The following NHSL2 variants were observed in gnomAD, a reference collection of about 807,000 sequenced individuals.
The protein encoded by NHSL2 is NHS-like protein 2.
NHSL2 carries 27 observed loss-of-function variants against 53.4 expected under a neutral mutation model. The ratio of observed to expected loss-of-function variants is 0.51; its 90% confidence interval spans 0.37 to 0.70. The LOEUF (loss-of-function observed/expected upper bound fraction) is 0.70. Ranked by LOEUF, NHSL2 falls within the 30% of genes least tolerant of loss-of-function variation. The pLI is 0.00. For missense variants in NHSL2, 892 were observed against 980.1 expected (o/e 0.91, Z 1.20); for synonymous variants, 408 against 404.1 (o/e 1.01, Z -0.12).
At chrX:71,999,569 T>A (rs1332156833) in intron 1 of NHSL2, among the ~76,000 whole-genome samples, 1 of 112,302 alleles carries the variant, frequency 8.9e-6, no homozygotes, top group Non-Finnish European at 1.9e-5. Context: ...ATATGGGTCC[T>A]GGATTGGATC....
intron 1 of NHSL2, among the ~76,000 whole-genome samples, chrX:71,915,829 G>C (rs774088512): frequency 8.1e-5 from 9 of 111,618 alleles, no homozygotes; most frequent in Non-Finnish European, 1.1e-4. Flanking sequence ...CATTTTCTTG[G>C]CATTTTCTCT....
At position 71,976,103 on chromosome X, in the gene NHSL2, T is replaced by C. The variant is rs142406937; in HGVS notation, c.280+64736T>C. Among the ~76,000 whole-genome samples the C allele has an allele frequency of 4.5e-3, 496 of 111,119 alleles. 3 individuals are homozygous for C. The highest frequency in any genetic ancestry group is 0.016 in the African/African-American group (483 of 30,545). On this transcript the variant is annotated intron_variant, in intron 1 of 7. Transcript: ENST00000633930. ...CTGCCTTTAAGCCTTGTCACCTGGATGACTATAATGGCCACCTAACTGGTC... is the reference window on the plus strand; with the variant it reads ...CTGCCTTTAAGCCTTGTCACCTGGACGACTATAATGGCCACCTAACTGGTC...
intron 1 of NHSL2, among the ~76,000 whole-genome samples, chrX:72,028,037 G>A (rs1336517795): frequency 2.7e-5 from 3 of 111,643 alleles, no homozygotes; most frequent in Non-Finnish European, 5.6e-5. Context: ...GAGGAATGGA[G>A]GCCAGAGGGT....
At chrX:71,955,719 T>G (rs1411368533) in intron 1 of NHSL2, among the ~76,000 whole-genome samples, 2 of 109,195 alleles carry the variant, frequency 1.8e-5, no homozygotes, top group African/African-American at 3.4e-5. Flanking sequence ...GGAGGGAAAA[T>G]GACAGAGGAT....
intron 1 of NHSL2, among the ~76,000 whole-genome samples, chrX:72,037,973 C>T (rs191485850): frequency 8.9e-6 from 1 of 112,016 alleles, no homozygotes; most frequent in East Asian, 2.8e-4. Flanking sequence ...AAATGTTGAT[C>T]AACCCCCTTT....
intron 1 of NHSL2, among the ~76,000 whole-genome samples, chrX:71,983,461 A>G (rs1212729940): frequency 9.4e-6 from 1 of 106,906 alleles, no homozygotes; most frequent in Non-Finnish European, 1.9e-5. Context: ...AAAAATTAAA[A>G]TTAGCCAAGC....
chrX:72,031,321 A>T (rs1317738229), intron 1 of NHSL2, among the ~76,000 whole-genome samples: 1 of 111,488 alleles, frequency 9.0e-6, no homozygotes, highest in Non-Finnish European at 1.9e-5. Flanking sequence ...CACCTCTTCC[A>T]TGCTGTGTGA....
intron 1 of NHSL2, among the ~76,000 whole-genome samples, chrX:72,039,667 A>G (rs376800564): frequency 8.9e-6 from 1 of 111,953 alleles, no homozygotes; most frequent in African/African-American, 3.3e-5. Context: ...GGACTCAGCC[A>G]GAGACCCCAT....
chrX:72,124,016 C>T (rs180699113), intron 1 of NHSL2, among the ~76,000 whole-genome samples: 12 of 111,682 alleles, frequency 1.1e-4, no homozygotes, highest in South Asian at 3.8e-4. Flanking sequence ...CCAGGGCAAC[C>T]GAGAGCCCTG....
At chrX:72,044,228 G>GGGCCAA (rs1237588551) in intron 1 of NHSL2, among the ~76,000 whole-genome samples, 1 of 112,080 alleles carries the variant, frequency 8.9e-6, no homozygotes, top group East Asian at 2.8e-4. Flanking sequence ...CAGATGTTCA[G>GGGCCAA]GGCCAATATG....
In NHSL2 at chrX:72,147,766, C is replaced by G. The variant is rs1157106876; in HGVS notation, c.*4192C>G. 1 of 111,742 alleles carries G rather than the reference C, an allele frequency of 8.9e-6. No individual in the cohort carries two copies. The highest frequency in any genetic ancestry group is 1.9e-5 in the Non-Finnish European group (1 of 53,194). The allele number at this position is 111,742 out of a possible 1,213,427, so 9.2% of individuals were successfully genotyped here. A position where few individuals can be genotyped will look rare whatever the true frequency, so the allele number is the denominator to read the frequency against. Reference sequence around the variant, plus strand: ...TCTCTTCAGTGCCTCCTACTTCCTTCTCCTCCTAAGAAAAACCTGCTCTCA... The same window carrying G: ...TCTCTTCAGTGCCTCCTACTTCCTTGTCCTCCTAAGAAAAACCTGCTCTCA... On this transcript the variant is annotated 3_prime_UTR_variant, in exon 8 of 8. Coordinates refer to ENST00000633930, the MANE Select transcript of NHSL2 (RefSeq NM_001013627.3).
At chrX:72,048,352 C>T (rs1036333155) in intron 1 of NHSL2, among the ~76,000 whole-genome samples, 7 of 110,742 alleles carry the variant, frequency 6.3e-5, no homozygotes, top group Admixed American at 1.9e-4. Flanking sequence ...AGCCAGAGTG[C>T]GTGTGGGTAG....
intron 4 of NHSL2, 143 bp downstream of exon 4, chrX:72,134,847 C>T: frequency 2.0e-6 from 1 of 490,477 alleles, no homozygotes. Context: ...ATGGCTCTTG[C>T]CAGGGAACGG....
intron 2 of NHSL2, 112 bp downstream of exon 2, chrX:72,132,346 T>G (rs2042314617): frequency 8.7e-6 from 6 of 691,728 alleles, no homozygotes; most frequent in African/African-American, 2.2e-5. Context: ...ACAGAGAGTT[T>G]AAAAACAATC....
rs751507705 is a variant in NHSL2 at position 72,030,610 on chromosome X, C to T, written c.281-101469C>T. On this transcript the variant is annotated intron_variant, in intron 1 of 7. Coordinates refer to ENST00000633930, the MANE Select transcript of NHSL2 (RefSeq NM_001013627.3). The stretch of plus-strand genomic sequence containing the variant: ...TTGCCCCTTCCATTTGGTATTTACA[C>T]GCACCAAGTGCTGCAATCAAATGTT... Among the ~76,000 whole-genome samples, 19 of 111,661 alleles carry T rather than the reference C, an allele frequency of 1.7e-4. No individual in the cohort carries two copies. The South Asian group carries it at 6.8e-3, about 40-fold the overall frequency.
chrX:71,925,980 G>A (rs1179363223), intron 1 of NHSL2, among the ~76,000 whole-genome samples: 1 of 111,325 alleles, frequency 9.0e-6, no homozygotes, highest in African/African-American at 3.3e-5. Context: ...ACTGAGTTGG[G>A]ATAGGATCTG....
intron 1 of NHSL2, among the ~76,000 whole-genome samples, chrX:72,052,189 C>G (rs911583259): frequency 4.5e-5 from 5 of 112,059 alleles, no homozygotes; most frequent in Admixed American, 9.4e-5. Context: ...AGATGAGGCT[C>G]CTGGCTTTGT....
intron 1 of NHSL2, among the ~76,000 whole-genome samples, chrX:72,052,377 C>T (rs922541921): frequency 3.6e-5 from 4 of 112,458 alleles, no homozygotes; most frequent in Non-Finnish European, 7.5e-5. Context: ...CATGGCAGGT[C>T]GGGCATTAAA....
At chrX:72,086,576 C>G (rs1163590399) in intron 1 of NHSL2, among the ~76,000 whole-genome samples, 1 of 105,619 alleles carries the variant, frequency 9.5e-6, no homozygotes, top group Non-Finnish European at 1.9e-5. Flanking sequence ...CCCAGCTACT[C>G]GGGAGGCTGA....
Sources: allele counts gnomAD v4.1 joint callset (sites outside exome capture counted in the v4.1 genomes callset), GRCh38; gene constraint gnomAD v4.1.1; transcripts MANE v1.5; gene names NCBI Gene and HGNC (gene_info 2026-07-23, HGNC 2026-07-21).